The following CSMD1 variants were observed in gnomAD, a reference collection of about 807,000 sequenced individuals.
The protein encoded by CSMD1 is CUB and Sushi multiple domains 1, also known as CUB and sushi domain-containing protein 1.
A neutral mutation model predicts 417.5 loss-of-function variants in CSMD1; 213 were observed. The ratio of observed to expected loss-of-function variants is 0.51; its 90% CI spans 0.46 to 0.57. CSMD1 has a LOEUF of 0.57. Among genes scored for constraint, CSMD1 ranks in the 20% least tolerant of loss-of-function variants. The pLI, the probability that CSMD1 is intolerant of heterozygous loss-of-function variation, is 0.00. For missense variants in CSMD1, 6,923 were observed against 4,529.7 expected, an observed-to-expected ratio of 1.53 and a Z score of -15.17; for synonymous variants, 2,862 against 1,736.8, an observed-to-expected ratio of 1.65 and a Z score of -16.11.
At position 4,897,771 on chromosome 8, in the gene CSMD1, G is replaced by T. The variant is rs148163757; in HGVS notation, c.85+96561C>A. Among the ~76,000 whole-genome samples, 91 of 152,098 alleles carry T rather than the reference G, an allele frequency of 6.0e-4. 2 individuals are homozygous for T. The East Asian group carries it at 0.015, about 26-fold the overall frequency. On this transcript the variant is annotated intron_variant, in intron 1 of 69. Coordinates refer to ENST00000635120, the MANE Select transcript of CSMD1 (RefSeq NM_033225.6). ...CTGTTACTGCATTATGTTATTTTAA[G>T]AATTCAAGTTATATGCCAGTAGATG...
Position 3,218,122 on chromosome 8 carries a change from T to C in CSMD1, c.4672+1133A>G, listed in dbSNP as rs375397481. On this transcript the variant is annotated intron_variant, in intron 29 of 69. Coordinates refer to ENST00000635120, the MANE Select transcript of CSMD1 (RefSeq NM_033225.6). ...TTCCTTGGATGTTAGTGGCAGGGAA[T>C]GGTTTATAGCAAATCAAGGGTAAAT... Among the ~76,000 whole-genome samples, 9 of 152,276 alleles carry C rather than the reference T, an allele frequency of 5.9e-5. No individual in the cohort carries two copies. The East Asian group carries it at 1.7e-3, about 29-fold the overall frequency.
intron 2 of CSMD1, among the ~76,000 whole-genome samples, chr8:4,581,712 C>G (rs536255820): frequency 6.6e-6 from 1 of 152,186 alleles, no homozygotes; most frequent in South Asian, 2.1e-4. Flanking sequence ...TCGGTTTTAA[C>G]AGCTTCCAGA....
Position 4,927,142 on chromosome 8 carries a change from G to T in CSMD1, c.85+67190C>A, listed in dbSNP as rs1806923796. ...TATTATTAAGATAGACACTCACTCT[G>T]TTGCACCAGGCTGGAGTGCAATGGC... On this transcript the variant is annotated intron_variant, in intron 1 of 69. Transcript: ENST00000635120. 2.0e-5 allele frequency among the ~76,000 whole-genome samples: 3 copies of T among 150,492 alleles called. No homozygotes were observed. The South Asian group carries it at 6.3e-4, about 31-fold the overall frequency.
chr8:4,311,966 G>C (rs7008640), intron 3 of CSMD1, among the ~76,000 whole-genome samples: 99,228 of 151,742 alleles, frequency 0.65, 32,671 homozygotes, highest in Admixed American at 0.77. Context: ...CTGAAACTTA[G>C]AAAACAAAAT....
intron 15 of CSMD1, among the ~76,000 whole-genome samples, chr8:3,400,671 G>T (rs968109090): frequency 6.6e-6 from 1 of 151,914 alleles, no homozygotes; most frequent in Admixed American, 6.6e-5. Context: ...AACTTGAAAA[G>T]TGGATAAAAA....
chr8:4,056,621 G>C (rs922645162), intron 3 of CSMD1, among the ~76,000 whole-genome samples: 4 of 151,758 alleles, frequency 2.6e-5, no homozygotes, highest in Non-Finnish European at 5.9e-5. Flanking sequence ...TGCCATGCTG[G>C]GGTCCTGCAC....
chr8:4,313,474 C>T (rs951813204), intron 3 of CSMD1, among the ~76,000 whole-genome samples: 2 of 143,446 alleles, frequency 1.4e-5, no homozygotes, highest in Non-Finnish European at 3.0e-5. Flanking sequence ...TGCAGGAACC[C>T]GAAGAGCTCC....
chr8:2,978,561 G>C (rs1805130045), intron 55 of CSMD1, 51 bp downstream of exon 55: 1 of 1,404,216 alleles, frequency 7.1e-7, no homozygotes, highest in African/African-American at 1.4e-5. Flanking sequence ...TTCTGCTGAT[G>C]GTGACCTTGC....
At chr8:3,706,504 T>C (rs1801176623) in intron 7 of CSMD1, among the ~76,000 whole-genome samples, 1 of 152,170 alleles carries the variant, frequency 6.6e-6, no homozygotes, top group South Asian at 2.1e-4. Flanking sequence ...AATACTTTAA[T>C]ACCGTTAAAA....
chr8:2,996,248 T>C (rs1019603517), intron 54 of CSMD1, among the ~76,000 whole-genome samples: 1 of 152,216 alleles, frequency 6.6e-6, no homozygotes, highest in Non-Finnish European at 1.5e-5. Flanking sequence ...TGACATATTT[T>C]ACATATTCCA....
At chr8:3,978,709 A>C (rs529449814) in intron 5 of CSMD1, among the ~76,000 whole-genome samples, 70 of 152,196 alleles carry the variant, frequency 4.6e-4, no homozygotes, top group African/African-American at 1.6e-3. Flanking sequence ...CTAATTGAGC[A>C]CTCTGATATT....
intron 10 of CSMD1, among the ~76,000 whole-genome samples, chr8:3,561,227 G>A (rs1799454543): frequency 6.6e-6 from 1 of 152,134 alleles, no homozygotes; most frequent in African/African-American, 2.4e-5. Context: ...CAGTATGGAA[G>A]TTTCTCAAAG....
chr8:4,070,224 T>C (rs547907332), intron 3 of CSMD1, among the ~76,000 whole-genome samples: 73 of 152,310 alleles, frequency 4.8e-4, no homozygotes, highest in African/African-American at 1.7e-3. Context: ...TCTTTTCTTT[T>C]TGGTATGCTT....
At chr8:4,059,770 A>G (rs1208943244) in intron 3 of CSMD1, among the ~76,000 whole-genome samples, 2 of 152,008 alleles carry the variant, frequency 1.3e-5, no homozygotes, top group African/African-American at 4.8e-5. Flanking sequence ...GAATAGACCA[A>G]TAACAGGAGC....
intron 2 of CSMD1, among the ~76,000 whole-genome samples, chr8:4,521,916 G>A (rs866523155): frequency 2.6e-5 from 4 of 152,208 alleles, no homozygotes; most frequent in South Asian, 4.1e-4. Context: ...CACACCATGA[G>A]AAGATGTGTA....
chr8:3,540,876 A>G (rs1227365522), intron 10 of CSMD1, among the ~76,000 whole-genome samples: 1 of 152,202 alleles, frequency 6.6e-6, no homozygotes, highest in African/African-American at 2.4e-5. Flanking sequence ...AAGTCAAGAA[A>G]CAACAGATGC....
intron 1 of CSMD1, among the ~76,000 whole-genome samples, chr8:4,891,728 A>G (rs2117003350): frequency 6.6e-6 from 1 of 152,266 alleles, no homozygotes. Context: ...TTTTCAAATA[A>G]AATACTGAAT....
intron 5 of CSMD1, among the ~76,000 whole-genome samples, chr8:3,845,549 G>A (rs74956201): frequency 0.012 from 1,850 of 152,186 alleles, 39 homozygotes; most frequent in African/African-American, 0.042. Context: ...AGTTGCTCTG[G>A]GTGTCAGTGA....
intron 3 of CSMD1, among the ~76,000 whole-genome samples, chr8:4,415,721 G>T (rs753189099): frequency 2.0e-5 from 3 of 152,198 alleles, no homozygotes; most frequent in African/African-American, 7.2e-5. Context: ...GAGAAGAAAT[G>T]AATGAGCAAA....
Sources: allele counts gnomAD v4.1 joint callset (sites outside exome capture counted in the v4.1 genomes callset), GRCh38; gene constraint gnomAD v4.1.1; transcripts MANE v1.5; gene names NCBI Gene and HGNC (gene_info 2026-07-23, HGNC 2026-07-21).